SDK1: variants seen among roughly 807,000 people sequenced by gnomAD.
SDK1 encodes the protein protein sidekick-1.
In SDK1, 157 loss-of-function variants were observed where a neutral mutation model predicts 245.5. That is an observed-to-expected ratio of 0.64 (90% CI 0.56 to 0.73). The LOEUF (loss-of-function observed/expected upper bound fraction) is 0.73. Among genes scored for constraint, SDK1 ranks in the 30% least tolerant of loss-of-function variants. The pLI, the probability that SDK1 is intolerant of heterozygous loss-of-function variation, is 0.00. For missense variants in SDK1, 3,583 were observed against 3,002.3 expected (o/e 1.19, Z -4.52); for synonymous variants, 1,647 against 1,278.5 (o/e 1.29, Z -6.15).
At position 3,723,368 on chromosome 7, in the gene SDK1, C is replaced by T. The variant is rs78608869; in HGVS notation, c.713+81263C>T. ...CTTAAATATAAGCCTTTGAAAAATA[C>T]GGTATTTGTTGATAAAAGGAAACTT... On this transcript the variant is annotated intron_variant, in intron 4 of 44. Coordinates refer to ENST00000404826, the MANE Select transcript of SDK1 (RefSeq NM_152744.4). 5.5e-3 allele frequency among the ~76,000 whole-genome samples: 832 copies of T among 152,184 alleles called. 6 individuals are homozygous for T. The highest frequency in any genetic ancestry group is 0.019 in the African/African-American group (777 of 41,548).
intron 1 of SDK1, among the ~76,000 whole-genome samples, chr7:3,450,215 G>A (rs927593002): frequency 1.3e-5 from 2 of 152,232 alleles, no homozygotes; most frequent in African/African-American, 2.4e-5. Context: ...GAGAGATGAT[G>A]TATAGAGTTT....
In SDK1 at chr7:3,483,463, A is replaced by G. The variant is rs113572394; in HGVS notation, c.299-135617A>G. Among the ~76,000 whole-genome samples the G allele has an allele frequency of 3.9e-5, 6 of 152,030 alleles. 1 individual carries two copies. The highest frequency in any genetic ancestry group is 1.4e-4 in the African/African-American group (6 of 41,472). ...TTGCCAAAATCCCTTACTTTTTCTG[A>G]TTGCCTCTGATTTTCTAGGTGAATA... On this transcript the variant is annotated intron_variant, in intron 1 of 44. Transcript: ENST00000404826.
At chr7:4,204,541 T>C (rs1398471375) in intron 35 of SDK1, among the ~76,000 whole-genome samples, 2 of 148,086 alleles carry the variant, frequency 1.4e-5, no homozygotes, top group African/African-American at 5.0e-5. Flanking sequence ...GAGGGGGTGA[T>C]GGGGAAGGGG....
intron 5 of SDK1, among the ~76,000 whole-genome samples, chr7:3,851,462 G>T (rs561102840): frequency 2.1e-4 from 32 of 152,082 alleles, no homozygotes; most frequent in African/African-American, 5.5e-4. Flanking sequence ...ATGCTTCTTT[G>T]CATTGCGTGT....
chr7:3,754,341 G>A (rs1248290003), intron 4 of SDK1, among the ~76,000 whole-genome samples: 1 of 152,042 alleles, frequency 6.6e-6, no homozygotes, highest in East Asian at 1.9e-4. Flanking sequence ...ATTTTACATT[G>A]GCTAATTTAG....
intron 1 of SDK1, among the ~76,000 whole-genome samples, chr7:3,349,603 CTT>C (rs1254400638): frequency 6.6e-6 from 1 of 151,922 alleles, no homozygotes; most frequent in African/African-American, 2.4e-5. Context: ...GTACATGTAT[CTT>C]TTATTTTTTT....
intron 4 of SDK1, among the ~76,000 whole-genome samples, chr7:3,712,000 G>A (rs1785064188): frequency 6.6e-6 from 1 of 152,240 alleles, no homozygotes; most frequent in Non-Finnish European, 1.5e-5. Context: ...TAGGGTTGGT[G>A]TGACAGTTCC....
At chr7:3,768,199 G>A (rs367929687) in intron 4 of SDK1, among the ~76,000 whole-genome samples, 12 of 152,226 alleles carry the variant, frequency 7.9e-5, no homozygotes, top group East Asian at 3.9e-4. Context: ...TTAAAGCAGC[G>A]TTGAATATAA....
chr7:3,713,086 T>G (rs976337223), intron 4 of SDK1, among the ~76,000 whole-genome samples: 3 of 152,224 alleles, frequency 2.0e-5, no homozygotes, highest in African/African-American at 7.2e-5. Flanking sequence ...GCTGCGTCCC[T>G]GGAGAAGCAG....
chr7:3,437,843 G>T (rs1174629380), intron 1 of SDK1, among the ~76,000 whole-genome samples: 1 of 152,288 alleles, frequency 6.6e-6, no homozygotes, highest in East Asian at 1.9e-4. Flanking sequence ...CTGAATAGAA[G>T]TTCCATCTTT....
At chr7:3,624,761 C>G (rs1333889636) in intron 2 of SDK1, among the ~76,000 whole-genome samples, 1 of 151,868 alleles carries the variant, frequency 6.6e-6, no homozygotes, top group East Asian at 1.9e-4. Context: ...AATATATGAT[C>G]AAGGCCAGGC....
At chr7:3,866,401 G>A (rs1780821772) in intron 5 of SDK1, among the ~76,000 whole-genome samples, 1 of 152,192 alleles carries the variant, frequency 6.6e-6, no homozygotes, top group Admixed American at 6.5e-5. Context: ...ATTCCAGAGA[G>A]TGATCTGTGC....
At chr7:4,034,102 C>T (rs1203489262) in intron 17 of SDK1, among the ~76,000 whole-genome samples, 4 of 152,160 alleles carry the variant, frequency 2.6e-5, no homozygotes, top group Non-Finnish European at 4.4e-5. Context: ...CTGTGCTATT[C>T]GTGCCTACGA....
chr7:3,506,534 C>T (rs1484358250), intron 1 of SDK1, among the ~76,000 whole-genome samples: 2 of 152,130 alleles, frequency 1.3e-5, no homozygotes, highest in Non-Finnish European at 2.9e-5. Context: ...GCTTTACTCT[C>T]TTGACTCTGA....
intron 5 of SDK1, among the ~76,000 whole-genome samples, chr7:3,903,262 G>A (rs10263437): frequency 6.6e-6 from 1 of 151,534 alleles, no homozygotes; most frequent in African/African-American, 2.4e-5. Context: ...TCCTGCCTCA[G>A]CCTCCCGAGT....
chr7:3,647,466 G>C (rs1171672985), intron 4 of SDK1, among the ~76,000 whole-genome samples: 1 of 152,134 alleles, frequency 6.6e-6, no homozygotes, highest in Non-Finnish European at 1.5e-5. Context: ...TGTCTCCCAT[G>C]CTGGAGTGAA....
chr7:4,266,025 T>G lies in SDK1; in HGVS notation c.*641T>G, dbSNP rs1788448949. 1.0e-6 allele frequency: 1 copy of G among 985,538 alleles called. No individual in the cohort carries two copies. 61.0% of individuals were successfully genotyped at this position (985,538 alleles called of 1,614,324 possible). On this transcript the variant is annotated 3_prime_UTR_variant, in exon 45 of 45. Coordinates refer to ENST00000404826, the MANE Select transcript of SDK1 (RefSeq NM_152744.4). Reference sequence around the variant, plus strand: ...CTAAGGTGTGGCTCAGCCGTCACTGTCTGTGTCACTGCAGTGGTGCGGTCC... The same window carrying G: ...CTAAGGTGTGGCTCAGCCGTCACTGGCTGTGTCACTGCAGTGGTGCGGTCC...
chr7:3,913,357 G>T (rs409173), intron 5 of SDK1, among the ~76,000 whole-genome samples: 115,594 of 148,652 alleles, frequency 0.78, 45,597 homozygotes, highest in East Asian at 0.99. Flanking sequence ...GCAGTGGCAC[G>T]ATCTCGGCTC....
chr7:3,486,962 A>G (rs1418495910), intron 1 of SDK1, among the ~76,000 whole-genome samples: 2 of 152,164 alleles, frequency 1.3e-5, no homozygotes. Context: ...CTTTGCTAAG[A>G]TTGTATTAGC....
Sources: gnomAD v4.1 joint callset for allele counts (sites outside exome capture counted in the v4.1 genomes callset) on GRCh38, gnomAD v4.1.1 for gene constraint, MANE v1.5 for transcripts, NCBI Gene and HGNC (gene_info 2026-07-23, HGNC 2026-07-21) for gene names.